TMEM245: variants seen among roughly 807,000 people sequenced by gnomAD.
TMEM245 encodes the protein protein CG-2.
A neutral mutation model predicts 101.2 loss-of-function variants in TMEM245; 69 were observed. The ratio of observed to expected loss-of-function variants is 0.68; its 90% confidence interval spans 0.56 to 0.83. The LOEUF (loss-of-function observed/expected upper bound fraction) is 0.83, where lower values mean the gene tolerates loss of function less well. Ranked by LOEUF, TMEM245 falls within the 40% of genes least tolerant of loss-of-function variation. TMEM245 has a pLI of 0.00. For synonymous variants in TMEM245, 537 were observed against 449.8 expected, an observed-to-expected ratio of 1.19 and a Z score of -2.45; for missense variants, 1,075 against 1,092.8, an observed-to-expected ratio of 0.98 and a Z score of 0.23.
At chr9:109,075,271 T>C (rs576588177) in intron 8 of TMEM245, among the ~76,000 whole-genome samples, 3 of 152,290 alleles carry the variant, frequency 2.0e-5, no homozygotes, top group Admixed American at 6.5e-5. Context: ...ATTTAATCTG[T>C]TAATGTTTTG....
intron 6 of TMEM245, among the ~76,000 whole-genome samples, chr9:109,086,584 A>C (rs1021208082): frequency 1.3e-5 from 2 of 152,202 alleles, no homozygotes; most frequent in African/African-American, 4.8e-5. Flanking sequence ...CCTTACCACC[A>C]TTCTACAAGG....
intron 4 of TMEM245, among the ~76,000 whole-genome samples, chr9:109,093,164 C>T (rs187580509): frequency 2.7e-5 from 4 of 150,626 alleles, no homozygotes; most frequent in South Asian, 2.1e-4. Context: ...TAAATGGAGA[C>T]GGAGAAAAGG....
At chr9:109,064,301 T>C (rs1411922503) in intron 10 of TMEM245, among the ~76,000 whole-genome samples, 176 bp downstream of exon 10, 1 of 152,200 alleles carries the variant, frequency 6.6e-6, no homozygotes, top group Non-Finnish European at 1.5e-5. Context: ...TTGTTCAGGG[T>C]ACTACCCCTA....
intron 3 of TMEM245, among the ~76,000 whole-genome samples, chr9:109,097,527 G>C (rs1441608240): frequency 6.6e-6 from 1 of 152,140 alleles, no homozygotes; most frequent in African/African-American, 2.4e-5. Context: ...GATGGCTATA[G>C]GCAAGTTAGT....
At chr9:109,078,407 GCT>G (rs1190506764) in intron 8 of TMEM245, among the ~76,000 whole-genome samples, 1 of 152,168 alleles carries the variant, frequency 6.6e-6, no homozygotes, top group Non-Finnish European at 1.5e-5. Context: ...CCCCGAAGGA[GCT>G]CTGTTAGCAT....
chr9:109,087,276 A>G lies in TMEM245; in HGVS notation c.1217T>C (p.Val406Ala). 6.2e-7 allele frequency: 1 copy of G among 1,613,904 alleles called. No individual in the cohort carries two copies. Among genetic ancestry groups the G allele is most frequent in the Non-Finnish European group, 8.5e-7 (1 of 1,179,912 alleles). ...GAAGCTTTCTATAATGCCCCACCAC[A>G]CATGGTAGCGTTTCTCTAGGAAATC... is the stretch of plus-strand genomic sequence containing the variant. ...VVDFLEKRYH[V>A]WWGIIESFLK... The change falls in exon 6 of 18, where the codon GTG (valine) becomes GCG (alanine). Residue 406 changes from valine to alanine, a missense_variant. Val to Ala is a moderately conservative substitution (Grantham distance 64, BLOSUM62 0). Coordinates refer to ENST00000374586, the MANE Select transcript of TMEM245 (RefSeq NM_032012.4).
chr9:109,088,742 G>C (rs943838230), intron 5 of TMEM245, among the ~76,000 whole-genome samples: 2 of 149,582 alleles, frequency 1.3e-5, no homozygotes, highest in Non-Finnish European at 3.0e-5. Context: ...TGTGAACCCA[G>C]GAAGTGAAGC....
intron 14 of TMEM245, among the ~76,000 whole-genome samples, chr9:109,044,606 A>C (rs1291746654): frequency 1.3e-5 from 2 of 152,174 alleles, no homozygotes; most frequent in African/African-American, 2.4e-5. Flanking sequence ...TTAGAGACAC[A>C]GTATATACAA....
Position 109,057,311 on chromosome 9 carries a change from G to C in TMEM245, c.1734C>G (p.His578Gln). The C allele has an allele frequency of 6.2e-7, 1 of 1,614,000 alleles. No individual in the cohort carries two copies. The highest frequency in any genetic ancestry group is 8.5e-7 in the Non-Finnish European group (1 of 1,179,922). ...ACTTCTGTCCTTTGTGCCTTCCAGAGTGTGTTACATTCTATGGAATAAAAC... is the reference window on the plus strand; with the variant it reads ...ACTTCTGTCCTTTGTGCCTTCCAGACTGTGTTACATTCTATGGAATAAAAC... The part of the protein sequence containing the change: ...YHSWFVKNVT[H>Q]SGRHKGQKLH... Residue 578 changes from histidine (H) to glutamine (Q), a missense_variant, in exon 12 of 18, where the codon CAC becomes CAG. This residue lies in a region of TMEM245 where 808 missense variants were observed against 741.5 expected (regional missense o/e 1.09). Transcript: ENST00000374586.
intron 4 of TMEM245, 75 bp downstream of exon 4, chr9:109,093,400 G>A: frequency 8.2e-7 from 1 of 1,215,004 alleles, no homozygotes; most frequent in African/African-American, 1.5e-5. Flanking sequence ...TTGTGATGCT[G>A]GTGTCCTGAA....
In TMEM245 at chr9:109,087,346, A is replaced by C. The variant is rs1829872950; in HGVS notation, c.1151-4T>G. On this transcript the variant is annotated splice_region_variant and splice_polypyrimidine_tract_variant and intron_variant, in intron 5 of 17. Transcript: ENST00000374586. ...ACAAGCTTTTTGAGTATCCAGACTA[A>C]AAAAAGACAAAAAATACATATATAA... is the stretch of plus-strand genomic sequence containing the variant. 6.3e-7 allele frequency: 1 copy of C among 1,583,736 alleles called. No individual in the cohort carries two copies. The highest frequency in any genetic ancestry group is 8.5e-7 in the Non-Finnish European group (1 of 1,170,926).
intron 11 of TMEM245, among the ~76,000 whole-genome samples, chr9:109,058,246 C>T (rs1486678044): frequency 2.6e-5 from 4 of 151,824 alleles, no homozygotes; most frequent in African/African-American, 4.8e-5. Flanking sequence ...TCTCGTGATC[C>T]GCCCGCCTCA....
chr9:109,045,387 G>A (rs1016984804), intron 14 of TMEM245, among the ~76,000 whole-genome samples: 4 of 152,144 alleles, frequency 2.6e-5, no homozygotes, highest in Non-Finnish European at 4.4e-5. Flanking sequence ...AGCTGCTTAC[G>A]TGGAATTCTT....
chr9:109,091,112 G>A lies in TMEM245; in HGVS notation c.960C>T (p.Ser320=), dbSNP rs773116080. ...TGGGTGAAGGGGAGGAGGGTGAAGG[G>A]GAGGTGGACAACGTTGGAGCGGATT... The part of the protein sequence containing the change: ...RGESAPTLST[S]PSPSSPSPTS... Residue 320 remains serine, a synonymous_variant, in exon 5 of 18, where the codon TCC becomes TCT. Transcript: ENST00000374586. 1.2e-6 allele frequency: 2 copies of A among 1,614,164 alleles called. No homozygotes were observed. The highest frequency in any genetic ancestry group is 1.7e-5 in the Admixed American group (1 of 60,032).
At chr9:109,110,285 A>G (rs2132655674) in intron 1 of TMEM245, among the ~76,000 whole-genome samples, 1 of 152,262 alleles carries the variant, frequency 6.6e-6, no homozygotes, top group Non-Finnish European at 1.5e-5. Flanking sequence ...TGCTTTATGT[A>G]TACTAACTCA....
chr9:109,024,124 C>T (rs938381738), intron 17 of TMEM245, among the ~76,000 whole-genome samples: 11 of 152,134 alleles, frequency 7.2e-5, no homozygotes, highest in Non-Finnish European at 1.5e-4. Context: ...TTCCAGCCTC[C>T]TAGACAGGCA....
intron 1 of TMEM245, among the ~76,000 whole-genome samples, chr9:109,109,109 C>T (rs1465509210): frequency 6.6e-6 from 1 of 152,060 alleles, no homozygotes; most frequent in Non-Finnish European, 1.5e-5. Context: ...ATCTAGGCAA[C>T]AAATGATTAG....
intron 16 of TMEM245, among the ~76,000 whole-genome samples, chr9:109,034,759 T>TA (rs1014196135): frequency 6.6e-5 from 10 of 152,080 alleles, no homozygotes; most frequent in Admixed American, 1.3e-4. Context: ...AAGCTTTTTT[T>TA]AAAAAAAATA....
At position 109,091,098 on chromosome 9, in the gene TMEM245, G is replaced by A. The variant is rs746920995; in HGVS notation, c.974C>T (p.Ser325Phe). The change falls in exon 5 of 18, where the codon TCC becomes TTC. Residue 325 changes from serine to phenylalanine, a missense_variant. Ser to Phe is a radical substitution (Grantham distance 155). This residue lies in a region of TMEM245 where 808 missense variants were observed against 741.5 expected (regional missense o/e 1.09). Coordinates refer to ENST00000374586, the MANE Select transcript of TMEM245 (RefSeq NM_032012.4). ...AGGTGAAGGGGAAGTGGGTGAAGGG[G>A]AGGAGGGTGAAGGGGAGGTGGACAA... ...PTLSTSPSPSSPSPTSPSPTL... is the reference protein window; with the variant it reads ...PTLSTSPSPSFPSPTSPSPTL... 1.9e-6 allele frequency: 3 copies of A among 1,613,928 alleles called. No individual in the cohort carries two copies. The highest frequency in any genetic ancestry group is 1.7e-5 in the Admixed American group (1 of 59,988).
Sources: gnomAD v4.1 joint callset for allele counts (sites outside exome capture counted in the v4.1 genomes callset) on GRCh38, gnomAD v4.1.1 for gene constraint, gnomAD v4.1.1 regional missense constraint, MANE v1.5 for transcripts, NCBI Gene and HGNC (gene_info 2026-07-23, HGNC 2026-07-21) for gene names.